SEL1L3: variants seen among roughly 807,000 people sequenced by gnomAD.
SEL1L3 encodes the protein SEL1L family member 3.
Under a neutral mutation model 142.8 loss-of-function variants are expected in SEL1L3, and 76 were observed. The ratio of observed to expected loss-of-function variants is 0.53; its 90% CI spans 0.44 to 0.64. The LOEUF (loss-of-function observed/expected upper bound fraction) is 0.64. Among genes scored for constraint, SEL1L3 ranks in the 30% least tolerant of loss-of-function variants. The pLI, the probability that SEL1L3 is intolerant of heterozygous loss-of-function variation, is 0.00. For synonymous variants in SEL1L3, 504 were observed against 519.6 expected, an observed-to-expected ratio of 0.97 and a Z score of 0.41; for missense variants, 1,262 against 1,381.7, an observed-to-expected ratio of 0.91 and a Z score of 1.37.
downstream of SEL1L3, among the ~76,000 whole-genome samples, chr4:25,742,884 T>G (rs1484474289): frequency 6.6e-6 from 1 of 152,160 alleles, no homozygotes; most frequent in Non-Finnish European, 1.5e-5. Context: ...AGAGTACCGC[T>G]TCCCCAGCTC....
chr4:25,858,580 G>GATTTT (rs1717432841), intron 1 of SEL1L3, among the ~76,000 whole-genome samples: 1 of 142,806 alleles, frequency 7.0e-6, no homozygotes, highest in African/African-American at 2.5e-5. Flanking sequence ...TGATTTTTTT[G>GATTTT]TTTGTTTGTT....
Position 25,841,018 on chromosome 4 carries a change from C to CT in SEL1L3, c.734-5696dup, listed in dbSNP as rs574751879. Among the ~76,000 whole-genome samples the CT allele has an allele frequency of 5.8e-3, 847 of 146,196 alleles. 2 individuals carry two copies. Among genetic ancestry groups the CT allele is most frequent in the East Asian group, 0.013 (65 of 5,058 alleles). On this transcript the variant is annotated intron_variant, in intron 2 of 23. Transcript: ENST00000399878. ...AAAGCTCAATGTCCTTCTTTCATTC[C>CT]TTTTTTTTTTTTCCTTCTTCTTCTC...
intron 21 of SEL1L3, among the ~76,000 whole-genome samples, chr4:25,758,300 G>C (rs1199940539): frequency 6.6e-6 from 1 of 152,072 alleles, no homozygotes. Context: ...GTGAAACCCT[G>C]TCTCTATTAA....
chr4:25,779,272 A>T lies in SEL1L3; in HGVS notation c.2458-69T>A. ...TGGTTTCGCCAGAGACAAGGTGATG[A>T]GATGCTTTAAGCCTGATATGATTAC... On this transcript the variant is annotated intron_variant, in intron 15 of 23. Coordinates refer to ENST00000399878, the MANE Select transcript of SEL1L3 (RefSeq NM_015187.5). The T allele has an allele frequency of 1.9e-6, 3 of 1,563,366 alleles. No individual in the cohort carries two copies. The South Asian group carries it at 3.5e-5, about 18-fold the overall frequency.
At chr4:25,800,118 G>A (rs1428994269) in intron 11 of SEL1L3, among the ~76,000 whole-genome samples, 2 of 152,196 alleles carry the variant, frequency 1.3e-5, no homozygotes, top group Non-Finnish European at 2.9e-5. Flanking sequence ...TGTGAACCAC[G>A]AGTTACGCAA....
rs980879381 is a variant in SEL1L3, at chr4:25,840,208, G to A, written c.734-4885C>T. On this transcript the variant is annotated intron_variant, in intron 2 of 23. Coordinates refer to ENST00000399878, the MANE Select transcript of SEL1L3 (RefSeq NM_015187.5). ...ACAATGTGTGTGAAAAAAGTGTTTCGAAAAATCATAAAGGGGAATGTAGAT... is the reference window on the plus strand; with the variant it reads ...ACAATGTGTGTGAAAAAAGTGTTTCAAAAAATCATAAAGGGGAATGTAGAT... 8.5e-5 allele frequency among the ~76,000 whole-genome samples: 13 copies of A among 152,106 alleles called. No homozygotes were observed. The East Asian group carries it at 1.4e-3, about 16-fold the overall frequency.
Position 25,788,106 on chromosome 4 carries a change from G to A in SEL1L3, c.2217+118C>T. ...ACATTCTTTTCCATCAAGAGTGACA[G>A]AAGCATATACTAAATTTCTTCAGTT... On this transcript the variant is annotated intron_variant, in intron 13 of 23. Transcript: ENST00000399878. This position sits in a 1 kb window ranked among gnomAD's most constrained non-coding sequence, Gnocchi z 5.3. The A allele has an allele frequency of 1.1e-6, 1 of 916,250 alleles. No homozygotes were observed. The highest frequency in any genetic ancestry group is 1.6e-5 in the South Asian group (1 of 63,846). The allele number at this position is 916,250 out of a possible 1,614,324, so 56.8% of individuals were successfully genotyped here.
chr4:25,828,389 CG>C (rs1560337448), intron 6 of SEL1L3, among the ~76,000 whole-genome samples: 1 of 147,446 alleles, frequency 6.8e-6, no homozygotes, highest in African/African-American at 2.5e-5. Context: ...CTTATCTTTT[CG>C]TTTTTTTTTT....
At chr4:25,852,561 A>G (rs1235076122) in intron 1 of SEL1L3, among the ~76,000 whole-genome samples, 1 of 152,208 alleles carries the variant, frequency 6.6e-6, no homozygotes, top group Non-Finnish European at 1.5e-5. Context: ...GCGGAAGCCG[A>G]ACCAGCCAAT....
chr4:25,770,003 C>T (rs1719042464), intron 17 of SEL1L3, among the ~76,000 whole-genome samples: 1 of 152,064 alleles, frequency 6.6e-6, no homozygotes. Flanking sequence ...TGGTGCATGC[C>T]TGTAATCCCA....
chr4:25,741,434 G>A, the SEL1L3 span, among the ~76,000 whole-genome samples: 2 of 152,190 alleles, frequency 1.3e-5, no homozygotes, highest in Non-Finnish European at 2.9e-5. Context: ...TATGATGGGA[G>A]TGAAGTGACA....
intron 19 of SEL1L3, 113 bp downstream of exon 19, chr4:25,767,412 C>T: frequency 3.0e-6 from 2 of 667,412 alleles, no homozygotes; most frequent in Non-Finnish European, 5.3e-6. Flanking sequence ...TTTTCACTTT[C>T]TTTTCTAATT....
the SEL1L3 span, among the ~76,000 whole-genome samples, chr4:25,731,515 G>A: frequency 1.3e-5 from 2 of 152,058 alleles, no homozygotes; most frequent in Non-Finnish European, 2.9e-5. Flanking sequence ...CCCACACTTC[G>A]CCCAAGCAAT....
Position 25,776,600 on chromosome 4 carries a change from T to C in SEL1L3, c.2586-240A>G, listed in dbSNP as rs1719646991. 1.1e-5 allele frequency: 5 copies of C among 451,184 alleles called. No homozygotes were observed. In the Admixed American group the frequency reaches 1.5e-4, roughly 13 times the overall value. 27.9% of individuals were successfully genotyped at this position (451,184 alleles called of 1,614,324 possible). A position where few individuals can be genotyped will look rare whatever the true frequency, so the allele number is the denominator to read the frequency against. ...TTTATGGAAACAAAGACATGTAAGA[T>C]ACATAATGAAATATATCCACCAATA... On this transcript the variant is annotated intron_variant, in intron 16 of 23. Coordinates refer to ENST00000399878, the MANE Select transcript of SEL1L3 (RefSeq NM_015187.5).
intron 23 of SEL1L3, among the ~76,000 whole-genome samples, chr4:25,752,419 A>G (rs1171599068): frequency 9.0e-5 from 3 of 33,248 alleles, no homozygotes; most frequent in African/African-American, 3.4e-4. Flanking sequence ...TCCATCTCCG[A>G]AAAAAAAAAA....
chr4:25,746,592 T>C (rs1717279341), downstream of SEL1L3, among the ~76,000 whole-genome samples: 1 of 142,982 alleles, frequency 7.0e-6, no homozygotes, highest in Non-Finnish European at 1.5e-5. Flanking sequence ...TAGATAGATA[T>C]AGATCTCTAT....
chr4:25,856,156 T>C (rs1196099709), intron 1 of SEL1L3, among the ~76,000 whole-genome samples: 1 of 152,202 alleles, frequency 6.6e-6, no homozygotes, highest in Non-Finnish European at 1.5e-5. Flanking sequence ...AAAATACAAA[T>C]TAAATTTTTA....
At chr4:25,845,841 G>A (rs1246280386) in intron 2 of SEL1L3, among the ~76,000 whole-genome samples, 1 of 152,166 alleles carries the variant, frequency 6.6e-6, no homozygotes, top group African/African-American at 2.4e-5. Flanking sequence ...GCCAAGCCTG[G>A]CTGGGGGTCG....
intron 5 of SEL1L3, 33 bp downstream of exon 5, chr4:25,832,962 G>T: frequency 7.7e-7 from 1 of 1,302,490 alleles, no homozygotes; most frequent in Non-Finnish European, 1.1e-6. Flanking sequence ...GAAAATGCTC[G>T]TATGTCGTGT....
Sources: allele counts gnomAD v4.1 joint callset (sites outside exome capture counted in the v4.1 genomes callset), GRCh38; gene constraint gnomAD v4.1.1; non-coding constraint Gnocchi (gnomAD v3.1); transcripts MANE v1.5; gene names NCBI Gene and HGNC (gene_info 2026-07-23, HGNC 2026-07-21).